The following PCDHGB3 variants were observed in gnomAD, a reference collection of about 807,000 sequenced individuals.
The protein encoded by PCDHGB3 is protocadherin gamma subfamily B, 3.
Under a neutral mutation model 59.2 loss-of-function variants are expected in PCDHGB3, and 40 were observed. The ratio of observed to expected loss-of-function variants is 0.68; its 90% confidence interval spans 0.52 to 0.88. The LOEUF is 0.88. Ranked by LOEUF, PCDHGB3 falls within the 40% of genes least tolerant of loss-of-function variation. PCDHGB3 has a pLI of 0.00. For missense variants in PCDHGB3, 1,309 were observed against 1,187.9 expected (o/e 1.10, Z -1.50); for synonymous variants, 581 against 503.6 (o/e 1.15, Z -2.06).
At chr5:141,441,734 G>GAT in intron 1 of PCDHGB3, 1 of 364,808 alleles carries the variant, frequency 2.7e-6, no homozygotes, top group South Asian at 2.2e-5. Context: ...ACCAGGACTA[G>GAT]CTCGCGCTCG....
chr5:141,370,697 G>T lies in PCDHGB3; in HGVS notation c.303G>T (p.Thr101=). ...AGGAGATTTGTGGCAAGAAGTCGAC[G>T]TGTGTTCTGGAATTTGAAATGGTTG... ...DREEICGKKS[T]CVLEFEMVAE... The change falls in exon 1 of 4, where the codon ACG becomes ACT. Residue 101 remains threonine, a synonymous_variant. Transcript: ENST00000576222. 1.9e-6 allele frequency: 3 copies of T among 1,613,806 alleles called. No individual in the cohort carries two copies. The highest frequency in any genetic ancestry group is 2.5e-6 in the Non-Finnish European group (3 of 1,179,878).
chr5:141,437,156 G>T (rs2097864365), intron 1 of PCDHGB3, among the ~76,000 whole-genome samples: 1 of 152,172 alleles, frequency 6.6e-6, no homozygotes, highest in African/African-American at 2.4e-5. Context: ...TAACATATGT[G>T]TTGATTGTTT....
rs568542355 is a variant in PCDHGB3, at chr5:141,431,678, T to C, written c.2415+58869T>C. 4 of 1,614,084 alleles carry C rather than the reference T, an allele frequency of 2.5e-6. No individual in the cohort carries two copies. Among genetic ancestry groups the C allele is most frequent in the African/African-American group, 2.7e-5 (2 of 75,012 alleles). ...AGGGACAATATCAACAATAGGGGAG[T>C]TGGACCACGAGGAGTCAGGATTCTA... On this transcript the variant is annotated intron_variant, in intron 1 of 3. Transcript: ENST00000576222. The surrounding 1 kb of genome is among the most constrained non-coding windows in gnomAD (Gnocchi z 4.8).
Position 141,489,087 on chromosome 5 carries a change from TGA to T in PCDHGB3, c.2416-5719_2416-5718del. The T allele has an allele frequency of 4.6e-6, 1 of 216,098 alleles. No individual in the cohort carries two copies. 13.4% of individuals were successfully genotyped at this position (216,098 alleles called of 1,614,324 possible). ...CCCCCTGCCCACCCCCGCCACTCGGTGACTAAGAACTGCTGCAAGCAGGCAAA... is the reference window on the plus strand; with the variant it reads ...CCCCCTGCCCACCCCCGCCACTCGGTCTAAGAACTGCTGCAAGCAGGCAAA... On this transcript the variant is annotated intron_variant, in intron 1 of 3. Transcript: ENST00000576222. The surrounding 1 kb of genome is among the most constrained non-coding windows in gnomAD (Gnocchi z 4.5).
chr5:141,503,221 C>T (rs528636727), intron 2 of PCDHGB3, among the ~76,000 whole-genome samples: 34 of 152,074 alleles, frequency 2.2e-4, no homozygotes, highest in Middle Eastern at 6.8e-3. Flanking sequence ...CCATGAGCAC[C>T]GTAAAGATGG....
intron 1 of PCDHGB3, among the ~76,000 whole-genome samples, chr5:141,373,018 T>C (rs200877775): frequency 1.8e-4 from 27 of 152,226 alleles, no homozygotes; most frequent in Non-Finnish European, 1.5e-4. Context: ...CTCCTTTTGA[T>C]AGTCTTGAAA....
At chr5:141,384,927 C>A in intron 1 of PCDHGB3, 1 of 1,614,014 alleles carries the variant, frequency 6.2e-7, no homozygotes, top group Non-Finnish European at 8.5e-7. Flanking sequence ...CCGACCTGGG[C>A]AGCCTTGAGC....
Position 141,489,819 on chromosome 5 carries a change from G to T in PCDHGB3, c.2416-4988G>T. On this transcript the variant is annotated intron_variant, in intron 1 of 3. Transcript: ENST00000576222. This position sits in a 1 kb window ranked among gnomAD's most constrained non-coding sequence, Gnocchi z 4.5. ...TAAAAGATGGGAAGCCATTCCCAGA[G>T]CTGGTGCTAGAGCAGCAGCTGGATC... 6.2e-7 allele frequency: 1 copy of T among 1,614,190 alleles called. No homozygotes were observed.
In PCDHGB3 at chr5:141,422,440, T is replaced by G. The variant is rs1028472076; in HGVS notation, c.2415+49631T>G. 11 of 1,610,116 alleles carry G rather than the reference T, an allele frequency of 6.8e-6. No homozygotes were observed. The highest frequency in any genetic ancestry group is 2.7e-5 in the African/African-American group (2 of 74,560). On this transcript the variant is annotated intron_variant, in intron 1 of 3. Transcript: ENST00000576222. ...AAAGACTTATGGAAATTATTACAAATTGATAACAAGCAGAGTGCTGGACAG... is the reference window on the plus strand; with the variant it reads ...AAAGACTTATGGAAATTATTACAAAGTGATAACAAGCAGAGTGCTGGACAG...
chr5:141,490,338 C>A lies in PCDHGB3; in HGVS notation c.2416-4469C>A, dbSNP rs1408559629. Reference sequence around the variant, plus strand: ...CTGTCCTAGAGAGCACACCAGTGGGCACAGTAGTGGGGTTGTTTAATGTGC... The same window carrying A: ...CTGTCCTAGAGAGCACACCAGTGGGAACAGTAGTGGGGTTGTTTAATGTGC... On this transcript the variant is annotated intron_variant, in intron 1 of 3. Coordinates refer to ENST00000576222, the MANE Select transcript of PCDHGB3 (RefSeq NM_018924.5). This position sits in a 1 kb window ranked among gnomAD's most constrained non-coding sequence, Gnocchi z 5.4. 6.2e-7 allele frequency: 1 copy of A among 1,614,184 alleles called. No homozygotes were observed. The highest frequency in any genetic ancestry group is 1.7e-5 in the Admixed American group (1 of 60,032).
chr5:141,472,132 A>C (rs1004365239), intron 1 of PCDHGB3, among the ~76,000 whole-genome samples: 3 of 152,272 alleles, frequency 2.0e-5, no homozygotes, highest in African/African-American at 7.2e-5. Flanking sequence ...GAGAAGTTAA[A>C]AATAAAAGTT....
intron 1 of PCDHGB3, among the ~76,000 whole-genome samples, chr5:141,475,364 G>C (rs2099362607): frequency 6.6e-6 from 1 of 152,200 alleles, no homozygotes; most frequent in Admixed American, 6.5e-5. Flanking sequence ...AATAAAATCT[G>C]AATTGTACTT....
Position 141,379,889 on chromosome 5 carries a change from C to CTTTTTTTTTTTTTTTTTTT in PCDHGB3, c.2415+7092_2415+7110dup, listed in dbSNP as rs70988800. ...CTTATTTTATGGTCTGTGAAAGCCT[C>CTTTTTTTTTTTTTTTTTTT]TTTTTTTTTTTTTTTTTTTTTTTTT... On this transcript the variant is annotated intron_variant, in intron 1 of 3. Transcript: ENST00000576222. Among the ~76,000 whole-genome samples, 178 of 50,830 alleles carry CTTTTTTTTTTTTTTTTTTT rather than the reference C, an allele frequency of 3.5e-3. 28 individuals are homozygous for CTTTTTTTTTTTTTTTTTTT. Among genetic ancestry groups the CTTTTTTTTTTTTTTTTTTT allele is most frequent in the Non-Finnish European group, 5.0e-3 (129 of 25,880 alleles). The allele number at this position is 50,830 out of a possible 152,430, so 33.3% of individuals were successfully genotyped here.
rs1225265096 is a variant in PCDHGB3 at position 141,490,666 on chromosome 5, G to A, written c.2416-4141G>A. Reference sequence around the variant, plus strand: ...GCCTCCGGGCTCCCTTCTTTGCACTGTGGCTGCCTCAGATCCAGACACTGG... The same window carrying A: ...GCCTCCGGGCTCCCTTCTTTGCACTATGGCTGCCTCAGATCCAGACACTGG... On this transcript the variant is annotated intron_variant, in intron 1 of 3. Coordinates refer to ENST00000576222, the MANE Select transcript of PCDHGB3 (RefSeq NM_018924.5). The surrounding 1 kb of genome is among the most constrained non-coding windows in gnomAD (Gnocchi z 5.4). The A allele has an allele frequency of 1.2e-6, 2 of 1,614,134 alleles. No homozygotes were observed. The highest frequency in any genetic ancestry group is 3.3e-5 in the Admixed American group (2 of 60,026).
chr5:141,481,970 A>G (rs2099549884), intron 1 of PCDHGB3, among the ~76,000 whole-genome samples: 1 of 151,510 alleles, frequency 6.6e-6, no homozygotes, highest in Non-Finnish European at 1.5e-5. Flanking sequence ...CTGTAGTCAC[A>G]GCTACTTGGG....
rs140609729 is a variant in PCDHGB3 at position 141,372,233 on chromosome 5, G to A, written c.1839G>A (p.Glu613=). The change falls in exon 1 of 4, where the codon GAG becomes GAA. Residue 613 remains glutamate, a synonymous_variant. Coordinates refer to ENST00000576222, the MANE Select transcript of PCDHGB3 (RefSeq NM_018924.5). ...CCTACCACATTGTGCAGGCCAGCGA[G>A]CCCGGGCTGTTCAGCCTGGGCCTGC... ...WLSYHIVQAS[E]PGLFSLGLRT... 2,947 of 1,613,368 alleles carry A rather than the reference G, an allele frequency of 1.8e-3. 7 individuals carry two copies. The highest frequency in any genetic ancestry group is 2.3e-3 in the Non-Finnish European group (2,745 of 1,179,836).
chr5:141,415,883 G>A (rs2095968409), intron 1 of PCDHGB3: 1 of 983,982 alleles, frequency 1.0e-6, no homozygotes, highest in African/African-American at 1.7e-5. Context: ...GTACAATATT[G>A]ACAATTCCTA....
At chr5:141,388,034 C>T in intron 1 of PCDHGB3, 2 of 1,423,576 alleles carry the variant, frequency 1.4e-6, no homozygotes, top group Non-Finnish European at 1.9e-6. Flanking sequence ...TGGGGAACCT[C>T]GCCACGGACC....
intron 1 of PCDHGB3, chr5:141,407,897 A>T (rs1178644193): frequency 4.9e-6 from 2 of 405,126 alleles, no homozygotes; most frequent in African/African-American, 4.1e-5. Context: ...CCGAATTCAA[A>T]ATGAAAAACC....
Sources: gnomAD v4.1 joint callset for allele counts (sites outside exome capture counted in the v4.1 genomes callset) on GRCh38, gnomAD v4.1.1 for gene constraint, Gnocchi (gnomAD v3.1) non-coding constraint, MANE v1.5 for transcripts, NCBI Gene and HGNC (gene_info 2026-07-23, HGNC 2026-07-21) for gene names.